Variants in LPA observed in about 807,000 individuals in gnomAD.
LPA encodes the protein lipoprotein(a).
A neutral mutation model predicts 197.9 loss-of-function variants in LPA; 199 were observed. That is an observed-to-expected ratio of 1.01 (90% CI 0.90 to 1.13). The LOEUF is 1.13. Among genes scored for constraint, LPA ranks in the 50% most tolerant of loss-of-function variants. LPA has a pLI of 0.00. For missense variants in LPA, 1,853 were observed against 1,785.8 expected (o/e 1.04, Z -0.68); for synonymous variants, 715 against 639.5 (o/e 1.12, Z -1.78).
At position 160,557,552 on chromosome 6, in the gene LPA, A is replaced by G; in HGVS notation, c.4651T>C (p.Cys1551Arg). 1 of 1,614,080 alleles carries G rather than the reference A, an allele frequency of 6.2e-7. No individual in the cohort carries two copies. Among genetic ancestry groups the G allele is most frequent in the Non-Finnish European group, 8.5e-7 (1 of 1,180,002 alleles). Residue 1551 changes from cysteine to arginine, a missense_variant, in exon 29 of 39, where the codon TGC becomes CGC. Coordinates refer to ENST00000316300, the MANE Select transcript of LPA (RefSeq NM_005577.4). ...TGTTTCCCAGAATCTGGATTCCTGC[A>G]GTAGTTCTCGGTCAGGCCACTGCAA... ...YPNAGLTENY[C>R]RNPDSGKQPW... is the part of the protein sequence containing the mutation.
At chr6:160,609,148 T>C (rs1211795379) in intron 16 of LPA, among the ~76,000 whole-genome samples, 4 of 152,136 alleles carry the variant, frequency 2.6e-5, no homozygotes, top group Admixed American at 2.6e-4. Flanking sequence ...AATTCTTCTA[T>C]TCTTCTTATA....
chr6:160,581,106 G>C (rs558963658), intron 26 of LPA, among the ~76,000 whole-genome samples: 39 of 152,166 alleles, frequency 2.6e-4, no homozygotes, highest in African/African-American at 9.4e-4. Flanking sequence ...CATACAGTAG[G>C]ATTCAAGCGT....
intron 16 of LPA, among the ~76,000 whole-genome samples, chr6:160,608,079 C>T (rs1779398897): frequency 6.6e-6 from 1 of 152,078 alleles, no homozygotes; most frequent in African/African-American, 2.4e-5. Flanking sequence ...ATTTTGTTTC[C>T]AGTAGTCAAC....
intron 1 of LPA, among the ~76,000 whole-genome samples, chr6:160,660,174 T>C (rs1358442640): frequency 8.6e-6 from 1 of 116,524 alleles, no homozygotes; most frequent in Non-Finnish European, 1.8e-5. Context: ...AGCACTCAGA[T>C]GTATACTAAC....
At chr6:160,543,100 G>A (rs138245737) in intron 33 of LPA, among the ~76,000 whole-genome samples, 10 of 152,320 alleles carry the variant, frequency 6.6e-5, no homozygotes, top group Non-Finnish European at 1.5e-4. Context: ...ATATGTGCAT[G>A]TGTGTATGTG....
chr6:160,548,424 G>A (rs1333343798), intron 31 of LPA, 54 bp downstream of exon 31: 1 of 1,570,690 alleles, frequency 6.4e-7, no homozygotes, highest in Non-Finnish European at 8.7e-7. Context: ...TCATCCCGTT[G>A]TCCAAGCACA....
intron 31 of LPA, 64 bp from the exon 32 acceptor site, chr6:160,548,001 G>A: frequency 6.5e-7 from 1 of 1,546,008 alleles, no homozygotes; most frequent in African/African-American, 1.4e-5. Context: ...ATAGACCCAG[G>A]ACGATACAGA....
chr6:160,553,958 C>CGCGT (rs1554231712), intron 30 of LPA, among the ~76,000 whole-genome samples: 5 of 34,682 alleles, frequency 1.4e-4, no homozygotes, highest in Non-Finnish European at 2.4e-4. Context: ...TGTGTGTGCG[C>CGCGT]GCGCGCGCGT....
intron 1 of LPA, among the ~76,000 whole-genome samples, chr6:160,654,211 A>G (rs1482393698): frequency 7.0e-6 from 1 of 142,326 alleles, no homozygotes; most frequent in Non-Finnish European, 1.5e-5. Flanking sequence ...AAGCCAGTCC[A>G]ACTCCCAACG....
intron 20 of LPA, among the ~76,000 whole-genome samples, chr6:160,597,491 T>C (rs1779156636): frequency 6.6e-6 from 1 of 152,214 alleles, no homozygotes; most frequent in Admixed American, 6.5e-5. Flanking sequence ...TGCCATTGTG[T>C]GTATATATGT....
intron 36 of LPA, among the ~76,000 whole-genome samples, chr6:160,538,453 G>C (rs1041229140): frequency 2.0e-5 from 3 of 152,168 alleles, no homozygotes; most frequent in Admixed American, 6.5e-5. Flanking sequence ...TGGTAAGAAT[G>C]CAGTAAAATG....
At chr6:160,610,824 T>C (rs1244247829) in intron 16 of LPA, among the ~76,000 whole-genome samples, 6 of 152,130 alleles carry the variant, frequency 3.9e-5, no homozygotes, top group African/African-American at 7.2e-5. Context: ...GGAGTTGAGC[T>C]CATCATTGGC....
intron 20 of LPA, 111 bp downstream of exon 20, chr6:160,599,389 C>T: frequency 6.7e-7 from 1 of 1,483,310 alleles, no homozygotes; most frequent in Non-Finnish European, 9.4e-7. Context: ...AGGAAATGTT[C>T]CTCTGCATCT....
Position 160,537,109 on chromosome 6 carries a change from T to C in LPA, c.5842+746A>G, listed in dbSNP as rs1777906452. Among the ~76,000 whole-genome samples, 3 of 152,118 alleles carry C rather than the reference T, an allele frequency of 2.0e-5. No individual in the cohort carries two copies. In the South Asian group the frequency reaches 6.2e-4, roughly 32 times the overall value. ...CCTCTGAGAAAGTAGAGCTGAGACT[T>C]TAAGACAGTTTCAGTTTTCCTACTG... is the stretch of plus-strand genomic sequence containing the variant. On this transcript the variant is annotated intron_variant, in intron 37 of 38. Transcript: ENST00000316300.
rs1007731953 is a variant in LPA at position 160,599,641 on chromosome 6, G to T, written c.3146C>A (p.Pro1049His). 2 of 1,613,960 alleles carry T rather than the reference G, an allele frequency of 1.2e-6. No individual in the cohort carries two copies. The change falls in exon 20 of 39, where the codon CCC becomes CAC. Residue 1049 changes from proline (P) to histidine (H), a missense_variant. By Grantham distance (77) the Pro-to-His change is moderately conservative. Around this residue, in one of 3 missense-constraint regions of LPA, gnomAD observed 1,737 missense variants for 1,504.4 expected, o/e 1.15. Coordinates refer to ENST00000316300, the MANE Select transcript of LPA (RefSeq NM_005577.4). ...FFEQALTEET[P>H]GVQDCYYHYG... ...ATGGTAGTAGCAGTCCTGTACCCCG[G>T]GGGTTTCCTCAGTCAGTGCTGAAAT...
chr6:160,662,281 T>A (rs1780239955), intron 1 of LPA, among the ~76,000 whole-genome samples: 1 of 152,240 alleles, frequency 6.6e-6, no homozygotes, highest in Non-Finnish European at 1.5e-5. Flanking sequence ...AGTAAATGTA[T>A]TTTATTAATG....
intron 25 of LPA, 111 bp from the exon 26 acceptor site, chr6:160,585,316 TA>T: frequency 1.0e-6 from 1 of 975,848 alleles, no homozygotes; most frequent in Non-Finnish European, 1.7e-6. Context: ...TACACTCTTC[TA>T]TATTAGCATG....
At chr6:160,533,079 G>GT (rs773570121) in intron 37 of LPA, among the ~76,000 whole-genome samples, 2 of 151,912 alleles carry the variant, frequency 1.3e-5, no homozygotes, top group Non-Finnish European at 2.9e-5. Flanking sequence ...TATATCATGA[G>GT]TTTTTAAAAA....
At chr6:160,579,665 C>T (rs1050114315) in intron 26 of LPA, among the ~76,000 whole-genome samples, 1 of 152,164 alleles carries the variant, frequency 6.6e-6, no homozygotes, top group Non-Finnish European at 1.5e-5. Context: ...GCTCCAACCT[C>T]TCAGAATCCT....
Sources: gnomAD v4.1 joint callset for allele counts (sites outside exome capture counted in the v4.1 genomes callset) on GRCh38, gnomAD v4.1.1 for gene constraint, gnomAD v4.1.1 regional missense constraint, MANE v1.5 for transcripts, NCBI Gene and HGNC (gene_info 2026-07-23, HGNC 2026-07-21) for gene names.